Variants in DNAH11 observed in about 807,000 individuals in gnomAD.
DNAH11 encodes dynein axonemal heavy chain 11.
In DNAH11, 442 loss-of-function variants were observed where a neutral mutation model predicts 526.0. The ratio of observed to expected loss-of-function variants is 0.84; its 90% confidence interval spans 0.78 to 0.91. The LOEUF (loss-of-function observed/expected upper bound fraction) is 0.91, where lower values mean the gene tolerates loss of function less well. Among genes scored for constraint, DNAH11 ranks in the 40% least tolerant of loss-of-function variants. DNAH11 has a pLI of 0.00. For missense variants in DNAH11, 6,989 were observed against 5,448.7 expected, an observed-to-expected ratio of 1.28 and a Z score of -8.90; for synonymous variants, 2,461 against 1,935.9, an observed-to-expected ratio of 1.27 and a Z score of -7.12.
intron 45 of DNAH11, among the ~76,000 whole-genome samples, chr7:21,730,965 G>C (rs542863633): frequency 6.6e-6 from 1 of 152,080 alleles, no homozygotes; most frequent in Non-Finnish European, 1.5e-5. Flanking sequence ...CCAACATGGC[G>C]AAACCCGGTC....
chr7:21,882,919 A>G (rs1783975699), intron 75 of DNAH11, among the ~76,000 whole-genome samples: 1 of 152,236 alleles, frequency 6.6e-6, no homozygotes, highest in Non-Finnish European at 1.5e-5. Flanking sequence ...AGAGATACAT[A>G]TTGAATACTG....
chr7:21,724,523 C>G (rs1333490560), intron 44 of DNAH11, among the ~76,000 whole-genome samples: 1 of 152,194 alleles, frequency 6.6e-6, no homozygotes, highest in Admixed American at 6.5e-5. Context: ...TAGACACACA[C>G]AGTATTTTTA....
rs1183978824 is a variant in DNAH11, at chr7:21,723,746, A to ACC, written c.7267-2062_7267-2061dup. Among the ~76,000 whole-genome samples the ACC allele has an allele frequency of 1.4e-3, 51 of 37,570 alleles. 1 individual carries two copies. Among genetic ancestry groups the ACC allele is most frequent in the Middle Eastern group, 0.014 (1 of 70 alleles). The allele number at this position is 37,570 out of a possible 152,430, so 24.6% of individuals were successfully genotyped here. ...ACTTCCCCCACTCCCCCACTCCCCC[A>ACC]CCCCTCCACCCCCAGCTACAGGGTC... On this transcript the variant is annotated intron_variant, in intron 44 of 81. Transcript: ENST00000409508.
At chr7:21,889,264 A>G (rs968565609) in intron 76 of DNAH11, among the ~76,000 whole-genome samples, 32 of 152,202 alleles carry the variant, frequency 2.1e-4, no homozygotes, top group African/African-American at 6.8e-4. Context: ...GTTCCATTGT[A>G]TGGACATAGC....
At chr7:21,614,666 G>T (rs1230102854) in intron 20 of DNAH11, among the ~76,000 whole-genome samples, 1 of 152,158 alleles carries the variant, frequency 6.6e-6, no homozygotes. Context: ...TCTCTTGAGT[G>T]CATTTGATAT....
chr7:21,795,952 A>G (rs1291409849), intron 61 of DNAH11, among the ~76,000 whole-genome samples: 1 of 149,370 alleles, frequency 6.7e-6, no homozygotes, highest in Non-Finnish European at 1.5e-5. Context: ...GCATTTCAAG[A>G]AAGAGGGTCA....
chr7:21,676,521 C>T (rs1782895745), intron 30 of DNAH11, among the ~76,000 whole-genome samples: 1 of 152,114 alleles, frequency 6.6e-6, no homozygotes, highest in South Asian at 2.1e-4. Flanking sequence ...AAAAGAGTAT[C>T]ATCAGAGAAG....
chr7:21,623,323 T>C (rs1395925027), intron 25 of DNAH11, among the ~76,000 whole-genome samples: 2 of 150,532 alleles, frequency 1.3e-5, no homozygotes, highest in Non-Finnish European at 3.0e-5. Flanking sequence ...CAACAGGTGC[T>C]GGAGAGGATG....
chr7:21,769,500 T>C (rs1282140587), intron 55 of DNAH11, among the ~76,000 whole-genome samples: 1 of 152,154 alleles, frequency 6.6e-6, no homozygotes, highest in East Asian at 1.9e-4. Context: ...TTTTTCTTTT[T>C]TTGAGAGGGA....
intron 74 of DNAH11, among the ~76,000 whole-genome samples, chr7:21,874,850 G>C (rs1783644600): frequency 6.6e-6 from 1 of 151,880 alleles, no homozygotes; most frequent in Non-Finnish European, 1.5e-5. Flanking sequence ...GGAAATCCTT[G>C]GTAAATCGCA....
intron 55 of DNAH11, among the ~76,000 whole-genome samples, chr7:21,770,729 A>G (rs540700666): frequency 6.6e-6 from 1 of 152,344 alleles, no homozygotes; most frequent in Admixed American, 6.5e-5. Flanking sequence ...GAATTTTTAA[A>G]GGAGCAATTT....
chr7:21,673,392 A>G (rs1339096772), intron 30 of DNAH11, among the ~76,000 whole-genome samples: 3 of 152,214 alleles, frequency 2.0e-5, no homozygotes, highest in African/African-American at 7.2e-5. Flanking sequence ...AAACACATAC[A>G]CAGTACACAT....
intron 37 of DNAH11, among the ~76,000 whole-genome samples, chr7:21,704,101 C>G (rs549333569): frequency 1.3e-5 from 2 of 152,210 alleles, no homozygotes; most frequent in South Asian, 4.2e-4. Flanking sequence ...ATCTGATGGG[C>G]TTGATTAATT....
intron 36 of DNAH11, among the ~76,000 whole-genome samples, 176 bp from the exon 37 acceptor site, chr7:21,702,534 G>A (rs1376653328): frequency 1.3e-5 from 2 of 151,808 alleles, no homozygotes; most frequent in Admixed American, 6.6e-5. Flanking sequence ...GAAACAGGAC[G>A]ACACTACAGG....
chr7:21,830,734 T>C (rs1164893757), intron 65 of DNAH11, among the ~76,000 whole-genome samples: 2 of 152,134 alleles, frequency 1.3e-5, no homozygotes, highest in African/African-American at 4.8e-5. Flanking sequence ...TCTAATATTA[T>C]GCTCTGCTAG....
chr7:21,580,605 G>A (rs1784272561), intron 8 of DNAH11, among the ~76,000 whole-genome samples: 1 of 152,198 alleles, frequency 6.6e-6, no homozygotes, highest in African/African-American at 2.4e-5. Context: ...CAGGTTCAGT[G>A]TCTGGGGAGG....
chr7:21,570,463 G>C (rs1231819119), intron 7 of DNAH11, 164 bp downstream of exon 7: 1 of 511,094 alleles, frequency 2.0e-6, no homozygotes, highest in African/African-American at 2.0e-5. Flanking sequence ...GATGATACAA[G>C]GGCATTTTTT....
At chr7:21,871,544 T>C (rs1245885542) in intron 73 of DNAH11, among the ~76,000 whole-genome samples, 5 of 152,244 alleles carry the variant, frequency 3.3e-5, no homozygotes, top group African/African-American at 1.2e-4. Context: ...AGTAAGGTAC[T>C]GTTGTAGCCC....
chr7:21,553,070 ATTTTTTTTTT>A (rs35121910), intron 2 of DNAH11, among the ~76,000 whole-genome samples: 9 of 66,768 alleles, frequency 1.3e-4, no homozygotes, highest in South Asian at 1.3e-3. Context: ...TATAAATGGG[ATTTTTTTTTT>A]TTTTTTTTTT....
Sources: gnomAD v4.1 joint callset for allele counts (sites outside exome capture counted in the v4.1 genomes callset) on GRCh38, gnomAD v4.1.1 for gene constraint, MANE v1.5 for transcripts, NCBI Gene and HGNC (gene_info 2026-07-23, HGNC 2026-07-21) for gene names.